PLCB4: variants seen among roughly 807,000 people sequenced by gnomAD.
PLCB4 encodes the protein phospholipase C beta 4.
A neutral mutation model predicts 178.8 loss-of-function variants in PLCB4; 77 were observed. The observed-to-expected ratio is 0.43, with a 90% CI of 0.36 to 0.52. The LOEUF (loss-of-function observed/expected upper bound fraction) is 0.52. Among genes scored for constraint, PLCB4 ranks in the 20% least tolerant of loss-of-function variants. The probability of loss-of-function intolerance (pLI) is 0.00; values close to 1 mark genes in which losing one functional copy is unlikely to be tolerated. For missense variants in PLCB4, 1,024 were observed against 1,453.4 expected, an observed-to-expected ratio of 0.70 and a Z score of 4.80; for synonymous variants, 496 against 490.8, an observed-to-expected ratio of 1.01 and a Z score of -0.14.
At chr20:9,432,620 G>T (rs2041501317) in intron 28 of PLCB4, among the ~76,000 whole-genome samples, 1 of 152,194 alleles carries the variant, frequency 6.6e-6, no homozygotes. Context: ...TGGACAAGTG[G>T]CAAGAAGAGG....
intron 2 of PLCB4, among the ~76,000 whole-genome samples, chr20:9,117,678 G>C (rs1159202643): frequency 6.6e-6 from 1 of 152,078 alleles, no homozygotes; most frequent in East Asian, 1.9e-4. Context: ...CTCTGCTTTT[G>C]TTCTCCTGTG....
At chr20:9,387,411 G>T in intron 14 of PLCB4, 52 bp from the exon 15 acceptor site, 1 of 876,074 alleles carries the variant, frequency 1.1e-6, no homozygotes, top group South Asian at 1.6e-5. Flanking sequence ...TAATTTGTAT[G>T]AACACTATTT....
At chr20:9,224,106 AG>A (rs1434124832) in intron 3 of PLCB4, among the ~76,000 whole-genome samples, 1 of 152,236 alleles carries the variant, frequency 6.6e-6, no homozygotes, top group Non-Finnish European at 1.5e-5. Context: ...GAGACTTATG[AG>A]TTCAACTCTC....
intron 3 of PLCB4, among the ~76,000 whole-genome samples, chr20:9,276,751 C>T (rs2094453846): frequency 6.6e-6 from 1 of 151,942 alleles, no homozygotes; most frequent in African/African-American, 2.4e-5. Context: ...CCCAGCTATT[C>T]TGTTCTACTC....
intron 2 of PLCB4, among the ~76,000 whole-genome samples, chr20:9,171,282 T>C (rs1049955780): frequency 6.6e-6 from 1 of 152,226 alleles, no homozygotes; most frequent in Non-Finnish European, 1.5e-5. Flanking sequence ...AAGAAATATG[T>C]AGTGATTTTC....
intron 2 of PLCB4, among the ~76,000 whole-genome samples, chr20:9,191,947 C>A (rs2093410513): frequency 6.6e-6 from 1 of 150,944 alleles, no homozygotes; most frequent in Non-Finnish European, 1.5e-5. Context: ...CTATTTTGCT[C>A]CTCTGTCATT....
intron 2 of PLCB4, among the ~76,000 whole-genome samples, chr20:9,111,165 G>C (rs2091562052): frequency 6.6e-6 from 1 of 152,232 alleles, no homozygotes; most frequent in Middle Eastern, 3.4e-3. Flanking sequence ...TCCTGAAAGG[G>C]CTCTATGACT....
chr20:9,260,084 G>A lies in PLCB4; in HGVS notation c.-16+42632G>A, dbSNP rs368475765. Among the ~76,000 whole-genome samples, 9 of 152,072 alleles carry A rather than the reference G, an allele frequency of 5.9e-5. No homozygotes were observed. The East Asian group carries it at 1.2e-3, about 20-fold the overall frequency. ...TACCATCCCAGAAGTGGACCAGGGT[G>A]CAATGGGAAAGGAAGAGCCTTTATA... On this transcript the variant is annotated intron_variant, in intron 3 of 39. Transcript: ENST00000378473.
chr20:9,113,654 C>T lies in PLCB4; in HGVS notation c.-79+17312C>T, dbSNP rs183010257. Among the ~76,000 whole-genome samples the T allele has an allele frequency of 4.6e-5, 7 of 152,160 alleles. No individual in the cohort carries two copies. The East Asian group carries it at 1.3e-3, about 29-fold the overall frequency. On this transcript the variant is annotated intron_variant, in intron 2 of 39. Transcript: ENST00000378473. ...TAAATTTTATTTGTGTTTTAATAAC[C>T]CAGATTGCTAAATTGCTAAATAATC...
intron 3 of PLCB4, among the ~76,000 whole-genome samples, chr20:9,270,212 A>G (rs1441802470): frequency 6.6e-6 from 1 of 152,166 alleles, no homozygotes; most frequent in Non-Finnish European, 1.5e-5. Context: ...ACAAACAGTA[A>G]AATTCATACT....
intron 2 of PLCB4, among the ~76,000 whole-genome samples, chr20:9,191,293 T>C (rs896912074): frequency 6.6e-6 from 1 of 150,444 alleles, no homozygotes; most frequent in Non-Finnish European, 1.5e-5. Flanking sequence ...CTTTAAGAAG[T>C]GATCTTTAGG....
chr20:9,460,394 T>A (rs2122459323), intron 35 of PLCB4, among the ~76,000 whole-genome samples: 1 of 152,322 alleles, frequency 6.6e-6, no homozygotes, highest in South Asian at 2.1e-4. Context: ...GACCAGGTTC[T>A]GATCATTTAA....
At chr20:9,415,353 G>A (rs1284095360) in intron 25 of PLCB4, among the ~76,000 whole-genome samples, 2 of 152,180 alleles carry the variant, frequency 1.3e-5, no homozygotes, top group Non-Finnish European at 2.9e-5. Context: ...TGCAAATAAA[G>A]GGGGATACTG....
At chr20:9,380,824 G>T (rs1231951610) in intron 13 of PLCB4, among the ~76,000 whole-genome samples, 2 of 152,180 alleles carry the variant, frequency 1.3e-5, no homozygotes, top group Admixed American at 1.3e-4. Flanking sequence ...ACCTGAGCTA[G>T]AGCCTTTGGC....
At chr20:9,105,673 G>A (rs1378550297) in intron 2 of PLCB4, among the ~76,000 whole-genome samples, 1 of 152,056 alleles carries the variant, frequency 6.6e-6, no homozygotes, top group Non-Finnish European at 1.5e-5. Context: ...TGGTAATTTA[G>A]TATATGATAA....
intron 30 of PLCB4, among the ~76,000 whole-genome samples, chr20:9,442,157 A>G (rs1266700370): frequency 1.3e-5 from 2 of 152,198 alleles, no homozygotes; most frequent in Non-Finnish European, 2.9e-5. Context: ...GGCTACCACT[A>G]ACCACATAGG....
At chr20:9,447,300 G>T (rs891095382) in intron 32 of PLCB4, among the ~76,000 whole-genome samples, 1 of 152,152 alleles carries the variant, frequency 6.6e-6, no homozygotes, top group Non-Finnish European at 1.5e-5. Flanking sequence ...TGGTTCTTCT[G>T]GTCTCAGCTG....
intron 1 of PLCB4, among the ~76,000 whole-genome samples, chr20:9,072,560 T>C (rs2089625953): frequency 6.6e-6 from 1 of 152,108 alleles, no homozygotes; most frequent in African/African-American, 2.4e-5. Flanking sequence ...GTTTACATTG[T>C]CTTGGTTGGA....
chr20:9,302,678 T>C (rs955999152), intron 3 of PLCB4, among the ~76,000 whole-genome samples: 1 of 152,080 alleles, frequency 6.6e-6, no homozygotes, highest in African/African-American at 2.4e-5. Flanking sequence ...CTCCTTCACC[T>C]CCAAAGTTCT....
Sources: gnomAD v4.1 joint callset for allele counts (sites outside exome capture counted in the v4.1 genomes callset) on GRCh38, gnomAD v4.1.1 for gene constraint, MANE v1.5 for transcripts, NCBI Gene and HGNC (gene_info 2026-07-23, HGNC 2026-07-21) for gene names.